AAK1: variants seen among roughly 807,000 people sequenced by gnomAD.
AAK1 encodes the protein AP2-associated protein kinase 1.
AAK1 carries 37 observed loss-of-function variants against 116.0 expected under a neutral mutation model. The ratio of observed to expected loss-of-function variants is 0.32; its 90% CI spans 0.25 to 0.42. The LOEUF (loss-of-function observed/expected upper bound fraction) is 0.42. Ranked by LOEUF, AAK1 falls within the 10% of genes least tolerant of loss-of-function variation. The pLI is 1.00. For synonymous variants in AAK1, 458 were observed against 439.9 expected (o/e 1.04, Z -0.51); for missense variants, 919 against 1,170.6 (o/e 0.79, Z 3.14).
chr2:69,566,757 G>C (rs904758206), intron 2 of AAK1, among the ~76,000 whole-genome samples: 24 of 152,162 alleles, frequency 1.6e-4, no homozygotes, highest in African/African-American at 5.1e-4. Context: ...CAAAAGGGAA[G>C]AGTTTAAGAA....
chr2:69,582,422 T>C (rs1182892724), intron 2 of AAK1, among the ~76,000 whole-genome samples: 1 of 152,150 alleles, frequency 6.6e-6, no homozygotes, highest in African/African-American at 2.4e-5. Flanking sequence ...TGTGTGTGCG[T>C]GCACACATGC....
chr2:69,475,943 T>C lies in AAK1; in HGVS notation c.2812A>G (p.Ser938Gly), dbSNP rs1427771869. Residue 938 changes from serine to glycine, a missense_variant, in exon 22 of 22, where the codon AGT becomes GGT. By Grantham distance (56) the Ser-to-Gly change is moderately conservative. Transcript: ENST00000409085. ...NPQGGHSRNSSGSSESSLPNL... is the reference protein window; with the variant it reads ...NPQGGHSRNSGGSSESSLPNL... ...GGAAGACTGGACTCAGAGCTCCCAC[T>C]GCTGTTTCTAGAGTGCCCACCTGGA... 1.9e-6 allele frequency: 3 copies of C among 1,612,190 alleles called. No homozygotes were observed. The highest frequency in any genetic ancestry group is 2.5e-6 in the Non-Finnish European group (3 of 1,179,258).
At chr2:69,613,038 T>A (rs565991404) in intron 2 of AAK1, among the ~76,000 whole-genome samples, 1 of 152,282 alleles carries the variant, frequency 6.6e-6, no homozygotes, top group East Asian at 1.9e-4. Context: ...AGTGGGTAAT[T>A]TGAGGTCTCA....
In AAK1 at chr2:69,597,022, C is replaced by CT. The variant is rs562693853; in HGVS notation, c.164-40045dup. ...GAAGGGAAGTATTACCAAATTGGGT[C>CT]TTTTTTTTTTTCTGTGTTCATAGTG... On this transcript the variant is annotated intron_variant, in intron 2 of 21. Coordinates refer to ENST00000409085, the MANE Select transcript of AAK1 (RefSeq NM_014911.5). Among the ~76,000 whole-genome samples the CT allele has an allele frequency of 3.8e-3, 553 of 145,336 alleles. 2 individuals are homozygous for CT. Among genetic ancestry groups the CT allele is most frequent in the African/African-American group, 5.3e-3 (213 of 39,830 alleles).
rs988821158 is a variant in AAK1, at chr2:69,463,840, G to A, written c.*12029C>T. ...TTTTTATTTATTTTTTGAAGGGACA[G>A]GGTCTCGCTGTGTTGCCAGAGTTGG... On this transcript the variant is annotated 3_prime_UTR_variant, in exon 22 of 22. Transcript: ENST00000409085. The A allele has an allele frequency of 2.6e-5, 4 of 152,064 alleles. No individual in the cohort carries two copies. The highest frequency in any genetic ancestry group is 7.3e-5 in the African/African-American group (3 of 41,342). The allele number at this position is 152,064 out of a possible 1,614,324, so 9.4% of individuals were successfully genotyped here.
At chr2:69,596,944 G>A (rs1673323307) in intron 2 of AAK1, among the ~76,000 whole-genome samples, 1 of 152,124 alleles carries the variant, frequency 6.6e-6, no homozygotes, top group African/African-American at 2.4e-5. Context: ...AGGCGAGGGT[G>A]TTACCAGTGC....
intron 3 of AAK1, among the ~76,000 whole-genome samples, chr2:69,555,594 C>T (rs1671358217): frequency 6.6e-6 from 1 of 152,168 alleles, no homozygotes; most frequent in Non-Finnish European, 1.5e-5. Flanking sequence ...TCTAGGTGAA[C>T]ATATGTATCT....
intron 3 of AAK1, among the ~76,000 whole-genome samples, chr2:69,553,591 G>A (rs988903173): frequency 4.0e-5 from 6 of 151,532 alleles, no homozygotes; most frequent in African/African-American, 1.5e-4. Flanking sequence ...TTACAGGCAC[G>A]CACTGCCATG....
At chr2:69,614,133 G>A (rs1224947174) in intron 2 of AAK1, among the ~76,000 whole-genome samples, 1 of 152,226 alleles carries the variant, frequency 6.6e-6, no homozygotes, top group Non-Finnish European at 1.5e-5. Context: ...TATCAGGTGA[G>A]TCAGCTCAGA....
At chr2:69,489,026 T>TG (rs775587907) in intron 17 of AAK1, among the ~76,000 whole-genome samples, 2 of 150,856 alleles carry the variant, frequency 1.3e-5, no homozygotes, top group Non-Finnish European at 3.0e-5. Flanking sequence ...TTTTTTTTTT[T>TG]GAAAAAATGG....
intron 2 of AAK1, among the ~76,000 whole-genome samples, chr2:69,608,417 ATCTC>A (rs1673910781): frequency 6.6e-6 from 1 of 152,252 alleles, no homozygotes; most frequent in African/African-American, 2.4e-5. Context: ...ACTCACAATT[ATCTC>A]TCTAAGAATT....
rs564650128 is a variant in AAK1, at chr2:69,577,714, C to T, written c.164-20736G>A. Among the ~76,000 whole-genome samples, 3 of 152,298 alleles carry T rather than the reference C, an allele frequency of 2.0e-5. No individual in the cohort carries two copies. In the South Asian group the frequency reaches 6.2e-4, roughly 32 times the overall value. ...TCAACAGCTGGAAGCAGGGTGCAAT[C>T]TACACTGTGCCAAAACAGGAGGCCA... On this transcript the variant is annotated intron_variant, in intron 2 of 21. Coordinates refer to ENST00000409085, the MANE Select transcript of AAK1 (RefSeq NM_014911.5).
At chr2:69,566,796 T>G (rs1671888674) in intron 2 of AAK1, among the ~76,000 whole-genome samples, 1 of 152,188 alleles carries the variant, frequency 6.6e-6, no homozygotes, top group East Asian at 1.9e-4. Context: ...TACCAGAGAC[T>G]TTTTGATTAC....
At chr2:69,507,613 T>TATA in intron 14 of AAK1, 35 bp from the exon 15 acceptor site, 1 of 1,522,232 alleles carries the variant, frequency 6.6e-7, no homozygotes, top group Non-Finnish European at 8.8e-7. Context: ...AACAAAAAGA[T>TATA]ATAAAAGTTG....
At chr2:69,605,824 C>T (rs895007391) in intron 2 of AAK1, among the ~76,000 whole-genome samples, 1 of 152,176 alleles carries the variant, frequency 6.6e-6, no homozygotes, top group Non-Finnish European at 1.5e-5. Context: ...CCCACACTGC[C>T]CCTAATTCCT....
chr2:69,480,712 C>A, intron 19 of AAK1, 148 bp downstream of exon 19: 1 of 583,920 alleles, frequency 1.7e-6, no homozygotes, highest in Non-Finnish European at 2.9e-6. Flanking sequence ...ATCTAGAAGC[C>A]GGGGCTGTGA....
chr2:69,470,850 A>G lies in AAK1; in HGVS notation c.*5019T>C, dbSNP rs1299004213. ...ATACTGTGATTAAATCCTTTCTGCA[A>G]AAAAGTGGGTTTTCAGCTCAGGAAA... On this transcript the variant is annotated 3_prime_UTR_variant, in exon 22 of 22. Transcript: ENST00000409085. 1 of 985,870 alleles carries G rather than the reference A, an allele frequency of 1.0e-6. No homozygotes were observed. 61.1% of individuals were successfully genotyped at this position (985,870 alleles called of 1,614,324 possible).
chr2:69,478,920 CAT>C, intron 20 of AAK1, 29 bp downstream of exon 20: 1 of 1,521,742 alleles, frequency 6.6e-7, no homozygotes, highest in Non-Finnish European at 9.1e-7. Context: ...TCTAAGGACA[CAT>C]GTGGGCCTGA....
intron 16 of AAK1, chr2:69,500,302 C>T (rs1179373297): frequency 6.6e-6 from 1 of 152,116 alleles, no homozygotes; most frequent in Admixed American, 6.5e-5. Flanking sequence ...AACATTTACA[C>T]TGCAAACAAG....
Sources: gnomAD v4.1 joint callset for allele counts (sites outside exome capture counted in the v4.1 genomes callset) on GRCh38, gnomAD v4.1.1 for gene constraint, MANE v1.5 for transcripts, NCBI Gene and HGNC (gene_info 2026-07-23, HGNC 2026-07-21) for gene names.